Variants in KAZN observed in about 807,000 individuals in gnomAD.
KAZN encodes kazrin.
In KAZN, 40 loss-of-function variants were observed where a neutral mutation model predicts 87.4. That is an observed-to-expected ratio of 0.46 (90% CI 0.36 to 0.60). The LOEUF is 0.60. Ranked by LOEUF, KAZN falls within the 20% of genes least tolerant of loss-of-function variation. The pLI is 0.00. For missense variants in KAZN, 898 were observed against 1,073.9 expected (o/e 0.84, Z 2.29); for synonymous variants, 466 against 458.3 (o/e 1.02, Z -0.22).
At chr1:15,111,146 C>T (rs367883470) in intron 13 of KAZN, among the ~76,000 whole-genome samples, 5 of 152,148 alleles carry the variant, frequency 3.3e-5, no homozygotes, top group East Asian at 3.9e-4. Context: ...AGCTCATTTG[C>T]CATTCAATCA....
intron 1 of KAZN, among the ~76,000 whole-genome samples, chr1:14,697,159 A>AAAG (rs1557897122): frequency 6.7e-5 from 9 of 135,078 alleles, no homozygotes; most frequent in East Asian, 4.2e-4. Context: ...AAAAAAAAAG[A>AAAG]AAAGAAAAGA....
intron 2 of KAZN, among the ~76,000 whole-genome samples, chr1:14,482,408 G>T (rs1323429043): frequency 6.6e-6 from 1 of 152,210 alleles, no homozygotes; most frequent in East Asian, 1.9e-4. Context: ...TAAGAGTGTA[G>T]GTGATCTGGA....
chr1:14,102,357 C>T (rs573324460), intron 1 of KAZN, among the ~76,000 whole-genome samples: 64 of 152,260 alleles, frequency 4.2e-4, no homozygotes, highest in African/African-American at 1.5e-3. Flanking sequence ...AGCACCTGCC[C>T]TCACGCCCTT....
chr1:13,927,581 A>G (rs1030537605), intron 1 of KAZN, among the ~76,000 whole-genome samples: 4 of 151,738 alleles, frequency 2.6e-5, no homozygotes, highest in Admixed American at 2.6e-4. Flanking sequence ...TCAAATCCCA[A>G]TGGTACTGTT....
chr1:14,354,651 C>CACAA (rs1553161332), intron 2 of KAZN, among the ~76,000 whole-genome samples: 2 of 128,736 alleles, frequency 1.6e-5, no homozygotes, highest in Non-Finnish European at 3.1e-5. Context: ...ATTAGACACA[C>CACAA]ACACACACAC....
intron 1 of KAZN, among the ~76,000 whole-genome samples, chr1:14,071,293 C>G (rs1454592090): frequency 6.6e-6 from 1 of 152,086 alleles, no homozygotes; most frequent in Non-Finnish European, 1.5e-5. Flanking sequence ...ACCCTGTGGA[C>G]CCCCTGATGT....
At chr1:13,897,424 G>T (rs1639085890) in intron 1 of KAZN, among the ~76,000 whole-genome samples, 1 of 152,158 alleles carries the variant, frequency 6.6e-6, no homozygotes, top group African/African-American at 2.4e-5. Flanking sequence ...GATGCTACAT[G>T]GTGCTGTGGT....
chr1:13,996,571 C>G (rs571079706), intron 1 of KAZN, among the ~76,000 whole-genome samples: 1 of 152,344 alleles, frequency 6.6e-6, no homozygotes, highest in South Asian at 2.1e-4. Context: ...GCCCAACACA[C>G]CGGCTGTGGC....
chr1:14,042,555 C>A (rs888883777), intron 1 of KAZN, among the ~76,000 whole-genome samples: 4 of 152,242 alleles, frequency 2.6e-5, no homozygotes, highest in Non-Finnish European at 2.9e-5. Context: ...TCTGCTCACT[C>A]AATCTATTTT....
At chr1:14,867,410 G>A (rs1215910947) in intron 1 of KAZN, among the ~76,000 whole-genome samples, 4 of 152,158 alleles carry the variant, frequency 2.6e-5, no homozygotes, top group African/African-American at 9.7e-5. Flanking sequence ...ATTCCCCCGG[G>A]ACCTGACTCT....
At chr1:14,935,399 C>T (rs539082908) in intron 1 of KAZN, among the ~76,000 whole-genome samples, 12 of 152,150 alleles carry the variant, frequency 7.9e-5, no homozygotes, top group Middle Eastern at 6.8e-3. Flanking sequence ...TGCCTTTGCC[C>T]CCAACCCCCA....
At chr1:14,367,756 G>A (rs997238213) in intron 2 of KAZN, among the ~76,000 whole-genome samples, 2 of 152,132 alleles carry the variant, frequency 1.3e-5, no homozygotes, top group Non-Finnish European at 1.5e-5. Context: ...GCGGTGTTGC[G>A]TGATTTGATG....
chr1:14,234,904 T>A (rs1443423687), intron 2 of KAZN, among the ~76,000 whole-genome samples: 2 of 152,216 alleles, frequency 1.3e-5, no homozygotes, highest in Admixed American at 1.3e-4. Context: ...GTTGAAGGAA[T>A]CTTCAAAATG....
intron 1 of KAZN, among the ~76,000 whole-genome samples, chr1:13,966,179 C>G (rs576806725): frequency 9.8e-4 from 96 of 98,164 alleles, no homozygotes; most frequent in Middle Eastern, 0.012. Context: ...GCCTCCTCTT[C>G]CTTCCCTCCC....
chr1:14,209,317 C>T (rs1329702779), intron 2 of KAZN, among the ~76,000 whole-genome samples: 2 of 152,202 alleles, frequency 1.3e-5, no homozygotes, highest in South Asian at 2.1e-4. Context: ...ACTCGCTACT[C>T]CTTGGTGTGG....
intron 1 of KAZN, among the ~76,000 whole-genome samples, chr1:13,943,228 G>A (rs182198017): frequency 2.2e-4 from 34 of 152,270 alleles, no homozygotes; most frequent in African/African-American, 7.0e-4. Flanking sequence ...ACTTTCAAAA[G>A]AGCAACAAGA....
At chr1:14,046,052 G>A (rs531763885) in intron 1 of KAZN, among the ~76,000 whole-genome samples, 33 of 152,172 alleles carry the variant, frequency 2.2e-4, no homozygotes, top group Admixed American at 2.6e-4. Context: ...TTCTAGAGGA[G>A]CACTTTTAAA....
intron 1 of KAZN, among the ~76,000 whole-genome samples, chr1:14,650,671 A>G (rs1228229666): frequency 2.0e-5 from 3 of 152,220 alleles, no homozygotes; most frequent in African/African-American, 7.2e-5. Context: ...TCCAACTAAC[A>G]TGGAGGCTAT....
chr1:14,119,376 G>A (rs193219759), intron 1 of KAZN, among the ~76,000 whole-genome samples: 1 of 152,280 alleles, frequency 6.6e-6, no homozygotes, highest in Admixed American at 6.5e-5. Context: ...TATTTTTCCT[G>A]CTCAGACAGT....
Sources: allele counts gnomAD v4.1 joint callset (sites outside exome capture counted in the v4.1 genomes callset), GRCh38; gene constraint gnomAD v4.1.1; transcripts MANE v1.5; gene names NCBI Gene and HGNC (gene_info 2026-07-23, HGNC 2026-07-21).